Variants in XRCC4 observed in about 807,000 individuals in gnomAD.
XRCC4 encodes X-ray repair cross complementing 4.
Under a neutral mutation model 39.1 loss-of-function variants are expected in XRCC4, and 28 were observed. The observed-to-expected ratio is 0.72, with a 90% CI of 0.53 to 0.98. XRCC4 has a LOEUF of 0.98. XRCC4 is among the 50% of genes least tolerant of loss of function. The pLI is 0.00. For missense variants in XRCC4, 350 were observed against 376.4 expected (o/e 0.93, Z 0.58); for synonymous variants, 123 against 126.4 (o/e 0.97, Z 0.18).
chr5:83,183,067 A>G (rs1485547009), intron 3 of XRCC4, among the ~76,000 whole-genome samples: 1 of 152,204 alleles, frequency 6.6e-6, no homozygotes, highest in East Asian at 1.9e-4. Flanking sequence ...TTATCATTTT[A>G]AAGGCATTAA....
chr5:83,292,711 A>T (rs1490192693), intron 7 of XRCC4, among the ~76,000 whole-genome samples: 6 of 150,908 alleles, frequency 4.0e-5, no homozygotes, highest in African/African-American at 1.5e-4. Flanking sequence ...GACTGAATAC[A>T]CAAGAAACTC....
At chr5:83,366,242 A>G in the XRCC4 span, among the ~76,000 whole-genome samples, 1 of 152,200 alleles carries the variant, frequency 6.6e-6, no homozygotes, top group Non-Finnish European at 1.5e-5. Context: ...CACTCATGAA[A>G]TCTTGGACTT....
chr5:83,225,575 G>A (rs2112800298), intron 6 of XRCC4, among the ~76,000 whole-genome samples: 1 of 147,742 alleles, frequency 6.8e-6, no homozygotes, highest in Admixed American at 6.8e-5. Flanking sequence ...TGGAGGTTGT[G>A]GAGCTTGGTG....
intron 3 of XRCC4, among the ~76,000 whole-genome samples, chr5:83,123,659 A>G (rs1420714462): frequency 1.3e-5 from 2 of 151,580 alleles, no homozygotes; most frequent in Non-Finnish European, 3.0e-5. Flanking sequence ...TTATTCTTTT[A>G]TCTTTTTAGT....
At chr5:83,291,972 TG>T (rs1754937329) in intron 7 of XRCC4, among the ~76,000 whole-genome samples, 1 of 151,442 alleles carries the variant, frequency 6.6e-6, no homozygotes, top group Admixed American at 6.6e-5. Context: ...TGTGTGTGTG[TG>T]TGTGTGTGTG....
chr5:83,325,179 A>G (rs1397680162), intron 7 of XRCC4, among the ~76,000 whole-genome samples: 1 of 152,122 alleles, frequency 6.6e-6, no homozygotes, highest in Non-Finnish European at 1.5e-5. Context: ...GCTGTTTTTT[A>G]GAGTCCATGA....
intron 7 of XRCC4, among the ~76,000 whole-genome samples, chr5:83,292,228 G>A (rs1042630635): frequency 9.2e-5 from 14 of 151,702 alleles, no homozygotes; most frequent in African/African-American, 2.9e-4. Flanking sequence ...TAAGATTCAC[G>A]GTGCACATTG....
chr5:83,196,852 G>T (rs1048845527), intron 4 of XRCC4, among the ~76,000 whole-genome samples: 1 of 151,816 alleles, frequency 6.6e-6, no homozygotes, highest in African/African-American at 2.4e-5. Context: ...CAACCATTGT[G>T]ATTGCTCTGT....
chr5:83,157,438 G>A (rs1561369637), intron 3 of XRCC4, among the ~76,000 whole-genome samples: 1 of 152,010 alleles, frequency 6.6e-6, no homozygotes, highest in Non-Finnish European at 1.5e-5. Flanking sequence ...GAATGGATAG[G>A]CAAGGCTTGC....
At chr5:83,313,275 C>G (rs1755768282) in intron 7 of XRCC4, among the ~76,000 whole-genome samples, 1 of 152,030 alleles carries the variant, frequency 6.6e-6, no homozygotes, top group African/African-American at 2.4e-5. Flanking sequence ...ACATAAGGAT[C>G]ATGTATTAAT....
chr5:83,282,342 G>A (rs1754572997), intron 7 of XRCC4, among the ~76,000 whole-genome samples: 1 of 152,098 alleles, frequency 6.6e-6, no homozygotes, highest in South Asian at 2.1e-4. Flanking sequence ...CAATGTAAAT[G>A]TCCAACATTA....
chr5:83,345,828 A>G (rs1756902132), intron 7 of XRCC4, among the ~76,000 whole-genome samples: 1 of 152,222 alleles, frequency 6.6e-6, no homozygotes, highest in Admixed American at 6.5e-5. Flanking sequence ...TCAATAATTT[A>G]TTCTAACATT....
At chr5:83,133,412 C>T (rs1036763227) in intron 3 of XRCC4, among the ~76,000 whole-genome samples, 1 of 152,196 alleles carries the variant, frequency 6.6e-6, no homozygotes, top group African/African-American at 2.4e-5. Flanking sequence ...ACTCTCTTCA[C>T]AGCTGTCAGA....
At chr5:83,078,617 A>G (rs1389381603) in intron 1 of XRCC4, among the ~76,000 whole-genome samples, 1 of 152,264 alleles carries the variant, frequency 6.6e-6, no homozygotes, top group Non-Finnish European at 1.5e-5. Context: ...ACTAGGGCAC[A>G]CAAAGGTTTT....
At chr5:83,127,297 G>C (rs551676060) in intron 3 of XRCC4, among the ~76,000 whole-genome samples, 1 of 152,176 alleles carries the variant, frequency 6.6e-6, no homozygotes, top group South Asian at 2.1e-4. Flanking sequence ...ATCTCATCTT[G>C]AATTGTAGCT....
At chr5:83,158,501 G>T (rs1026149188) in intron 3 of XRCC4, among the ~76,000 whole-genome samples, 26 of 152,016 alleles carry the variant, frequency 1.7e-4, no homozygotes, top group Admixed American at 2.0e-4. Flanking sequence ...TAACTTAGCT[G>T]ATATACACTA....
At chr5:83,270,457 T>C (rs1754102251) in intron 7 of XRCC4, among the ~76,000 whole-genome samples, 1 of 152,192 alleles carries the variant, frequency 6.6e-6, no homozygotes, top group Admixed American at 6.5e-5. Context: ...CTACTTCTGC[T>C]GCCACTAACC....
intron 7 of XRCC4, among the ~76,000 whole-genome samples, chr5:83,350,426 T>C (rs970678020): frequency 6.6e-6 from 1 of 152,188 alleles, no homozygotes; most frequent in African/African-American, 2.4e-5. Flanking sequence ...CTCCAGCATA[T>C]ATTATTATTT....
At chr5:83,118,384 C>T (rs1418997041) in intron 3 of XRCC4, among the ~76,000 whole-genome samples, 1 of 151,804 alleles carries the variant, frequency 6.6e-6, no homozygotes, top group Non-Finnish European at 1.5e-5. Flanking sequence ...TCACTGTAAC[C>T]TCTGACACTT....
Sources: gnomAD v4.1 joint callset for allele counts (sites outside exome capture counted in the v4.1 genomes callset) on GRCh38, gnomAD v4.1.1 for gene constraint, MANE v1.5 for transcripts, NCBI Gene and HGNC (gene_info 2026-07-23, HGNC 2026-07-21) for gene names.